The following ARID2 variants were observed in gnomAD, a reference collection of about 807,000 sequenced individuals.
ARID2 encodes AT-rich interactive domain-containing protein 2.
A neutral mutation model predicts 184.6 loss-of-function variants in ARID2; 32 were observed. The ratio of observed to expected loss-of-function variants is 0.17; its 90% CI spans 0.13 to 0.23. The LOEUF (loss-of-function observed/expected upper bound fraction) is 0.23. Ranked by LOEUF, ARID2 falls within the 10% of genes least tolerant of loss-of-function variation. The probability of loss-of-function intolerance (pLI) is 1.00; values close to 1 mark genes in which losing one functional copy is unlikely to be tolerated. For missense variants in ARID2, 1,696 were observed against 2,197.6 expected (o/e 0.77, Z 4.56); for synonymous variants, 836 against 772.6 (o/e 1.08, Z -1.36).
intron 4 of ARID2, 63 bp from the exon 5 acceptor site, chr12:45,817,606 AG>A: frequency 1.1e-6 from 1 of 920,554 alleles, no homozygotes; most frequent in Non-Finnish European, 1.6e-6. Context: ...TCTGTATTCA[AG>A]GGATATTCAC....
chr12:45,862,170 T>C lies in ARID2; in HGVS notation c.4922+1221T>C, dbSNP rs181678914. On this transcript the variant is annotated intron_variant, in intron 16 of 20. Transcript: ENST00000334344. ...GGACTGTGGATCATTTTAGTAGGTT[T>C]TTGTTTGTTTTTCTTTTCAATGAAA... Among the ~76,000 whole-genome samples the C allele has an allele frequency of 5.3e-5, 8 of 152,278 alleles. No homozygotes were observed. The East Asian group carries it at 1.5e-3, about 29-fold the overall frequency.
chr12:45,879,564 TTC>T (rs1366245056), intron 16 of ARID2, among the ~76,000 whole-genome samples: 1 of 152,222 alleles, frequency 6.6e-6, no homozygotes, highest in Non-Finnish European at 1.5e-5. Flanking sequence ...TAAGGGCTGA[TTC>T]TCTGTATTCA....
chr12:45,812,766 C>G (rs373579393), intron 4 of ARID2, among the ~76,000 whole-genome samples: 9 of 152,154 alleles, frequency 5.9e-5, no homozygotes, highest in African/African-American at 2.2e-4. Context: ...ACTCCTACAT[C>G]GAATGAGATG....
chr12:45,854,302 T>C (rs1366304940), intron 15 of ARID2, among the ~76,000 whole-genome samples: 1 of 152,164 alleles, frequency 6.6e-6, no homozygotes, highest in Non-Finnish European at 1.5e-5. Flanking sequence ...GCTTAATAAA[T>C]GTAATGCGCT....
At chr12:45,857,324 C>A (rs1355269844) in intron 15 of ARID2, among the ~76,000 whole-genome samples, 1 of 152,082 alleles carries the variant, frequency 6.6e-6, no homozygotes, top group East Asian at 1.9e-4. Flanking sequence ...AGATTGGTAG[C>A]CTCAGGCGGG....
intron 16 of ARID2, chr12:45,881,872 C>A: frequency 4.4e-6 from 1 of 225,666 alleles, no homozygotes; most frequent in South Asian, 7.6e-5. Context: ...GTCTCCTCCT[C>A]ACTGTGTCTG....
At chr12:45,775,728 C>T (rs1413824571) in intron 3 of ARID2, among the ~76,000 whole-genome samples, 2 of 152,136 alleles carry the variant, frequency 1.3e-5, no homozygotes, top group Non-Finnish European at 2.9e-5. Flanking sequence ...TAAAGGCATA[C>T]TGTGTTAATT....
At chr12:45,797,398 C>A (rs1942410746) in intron 3 of ARID2, among the ~76,000 whole-genome samples, 1 of 152,040 alleles carries the variant, frequency 6.6e-6, no homozygotes, top group South Asian at 2.1e-4. Context: ...CCATGCCCAG[C>A]TAATTTTTAT....
intron 3 of ARID2, among the ~76,000 whole-genome samples, chr12:45,770,184 C>G (rs1313484426): frequency 1.3e-5 from 2 of 151,234 alleles, no homozygotes; most frequent in African/African-American, 4.9e-5. Context: ...ATACGGGAGG[C>G]AGAGATTGCA....
intron 3 of ARID2, among the ~76,000 whole-genome samples, chr12:45,737,098 A>G (rs1252616026): frequency 1.3e-5 from 2 of 152,204 alleles, no homozygotes; most frequent in Non-Finnish European, 2.9e-5. Context: ...CTGTGTATTC[A>G]TTATGTTGTG....
Position 45,849,651 on chromosome 12 carries a change from T to A in ARID2, c.1787T>A (p.Val596Glu), listed in dbSNP as rs1943504832. 6.2e-7 allele frequency: 1 copy of A among 1,613,654 alleles called. No homozygotes were observed. The highest frequency in any genetic ancestry group is 8.5e-7 in the Non-Finnish European group (1 of 1,179,768). ...AGCAATGGGCAGGCACATATTCATG[T>A]GGTAGGAGTAAAACGGAGGGCTATA... ...SSSNGQAHIH[V>E]VGVKRRAIPL... Residue 596 changes from valine (V) to glutamate (E), a missense_variant, in exon 14 of 21, where the codon GTG (valine) becomes GAG (glutamate). Around this residue, in one of 11 missense-constraint regions of ARID2, gnomAD observed 713 missense variants for 824.4 expected, o/e 0.86. Coordinates refer to ENST00000334344, the MANE Select transcript of ARID2 (RefSeq NM_152641.4).
At chr12:45,856,077 T>A in intron 15 of ARID2, among the ~76,000 whole-genome samples, 1 of 127,104 alleles carries the variant, frequency 7.9e-6, no homozygotes, top group East Asian at 2.2e-4. Context: ...CTTTTTTTTT[T>A]TTTTTTTTTT....
intron 3 of ARID2, among the ~76,000 whole-genome samples, chr12:45,749,312 T>C (rs1354920131): frequency 6.6e-6 from 1 of 152,218 alleles, no homozygotes; most frequent in African/African-American, 2.4e-5. Context: ...GTGATCTTTT[T>C]TTTTGAGCAG....
intron 3 of ARID2, among the ~76,000 whole-genome samples, chr12:45,761,233 C>G (rs201576764): frequency 6.6e-6 from 1 of 152,326 alleles, no homozygotes; most frequent in East Asian, 1.9e-4. Context: ...CCCCTACTTT[C>G]TTGAAATAGG....
In ARID2 at chr12:45,906,703, C is replaced by A. The variant is rs1944534857; in HGVS notation, c.*1625C>A. 8.6e-6 allele frequency: 2 copies of A among 231,954 alleles called. No homozygotes were observed. Among genetic ancestry groups the A allele is most frequent in the African/African-American group, 2.2e-5 (1 of 45,286 alleles). 14.4% of individuals were successfully genotyped at this position (231,954 alleles called of 1,614,324 possible). A position where few individuals can be genotyped will look rare whatever the true frequency, so the allele number is the denominator to read the frequency against. On this transcript the variant is annotated 3_prime_UTR_variant, in exon 21 of 21. Coordinates refer to ENST00000334344, the MANE Select transcript of ARID2 (RefSeq NM_152641.4). ...CAAATAAGAGAGGTCCTTTACATGA[C>A]AAATTTGCATGAAATAAGCAGATTA...
chr12:45,891,163 C>CA (rs111941337), intron 16 of ARID2, among the ~76,000 whole-genome samples: 2,283 of 115,422 alleles, frequency 0.02, 54 homozygotes, highest in South Asian at 0.055. Context: ...GACTCCGTCT[C>CA]AAAAAAAAAA....
chr12:45,822,552 T>C (rs1417200483), intron 6 of ARID2, among the ~76,000 whole-genome samples: 1 of 152,000 alleles, frequency 6.6e-6, no homozygotes, highest in Non-Finnish European at 1.5e-5. Flanking sequence ...AATCAACCGA[T>C]AAATCAATAA....
chr12:45,791,309 A>G (rs1467444777), intron 3 of ARID2, among the ~76,000 whole-genome samples: 1 of 152,144 alleles, frequency 6.6e-6, no homozygotes, highest in Non-Finnish European at 1.5e-5. Context: ...TTTATCAAAT[A>G]CTTTTAATTC....
chr12:45,814,087 G>A (rs922395590), intron 4 of ARID2, among the ~76,000 whole-genome samples: 2 of 152,032 alleles, frequency 1.3e-5, no homozygotes, highest in East Asian at 1.9e-4. Flanking sequence ...TTAAATTTTC[G>A]GTTTCAAGAA....
Sources: gnomAD v4.1 joint callset for allele counts (sites outside exome capture counted in the v4.1 genomes callset) on GRCh38, gnomAD v4.1.1 for gene constraint, gnomAD v4.1.1 regional missense constraint, MANE v1.5 for transcripts, NCBI Gene and HGNC (gene_info 2026-07-23, HGNC 2026-07-21) for gene names.